Variants in CCSER1 observed in about 807,000 individuals in gnomAD.
CCSER1 encodes the protein serine-rich coiled-coil domain-containing protein 1.
In CCSER1, 41 loss-of-function variants were observed where a neutral mutation model predicts 82.0. The observed-to-expected ratio is 0.50, with a 90% CI of 0.39 to 0.65. The LOEUF is 0.65. Ranked by LOEUF, CCSER1 falls within the 30% of genes least tolerant of loss-of-function variation. CCSER1 has a pLI of 0.00. For synonymous variants in CCSER1, 414 were observed against 383.9 expected (o/e 1.08, Z -0.92); for missense variants, 1,119 against 1,064.2 (o/e 1.05, Z -0.72).
chr4:90,298,743 C>T (rs1186232749), intron 1 of CCSER1, among the ~76,000 whole-genome samples: 3 of 152,124 alleles, frequency 2.0e-5, no homozygotes, highest in African/African-American at 4.8e-5. Context: ...GCCTTCATTT[C>T]GTTATGTACC....
intron 7 of CCSER1, among the ~76,000 whole-genome samples, chr4:90,798,862 G>T (rs1031013071): frequency 3.3e-5 from 5 of 152,158 alleles, no homozygotes; most frequent in Non-Finnish European, 5.9e-5. Flanking sequence ...GCACTGAGGT[G>T]GGGGGAGGCA....
At chr4:91,043,541 C>T (rs1421054096) in intron 9 of CCSER1, among the ~76,000 whole-genome samples, 1 of 148,674 alleles carries the variant, frequency 6.7e-6, no homozygotes, top group African/African-American at 2.5e-5. Context: ...AAAAATTATT[C>T]ACCTGAAAAA....
intron 7 of CCSER1, among the ~76,000 whole-genome samples, chr4:90,810,435 G>T (rs1476853316): frequency 1.3e-5 from 2 of 152,102 alleles, no homozygotes; most frequent in African/African-American, 4.8e-5. Context: ...ATCACCTGAG[G>T]TCTGGAGTTT....
intron 5 of CCSER1, among the ~76,000 whole-genome samples, chr4:90,627,336 G>A (rs532168190): frequency 4.6e-4 from 70 of 151,920 alleles, no homozygotes; most frequent in African/African-American, 1.5e-3. Flanking sequence ...GGTGGCAAGC[G>A]CCAGAGCATC....
At position 90,175,851 on chromosome 4, in the gene CCSER1, G is replaced by A. The variant is rs566575436; in HGVS notation, c.-42+48020G>A. 1.6e-4 allele frequency among the ~76,000 whole-genome samples: 24 copies of A among 152,068 alleles called. No individual in the cohort carries two copies. In the South Asian group the frequency reaches 5.0e-3, roughly 32 times the overall value. On this transcript the variant is annotated intron_variant, in intron 1 of 10. Coordinates refer to ENST00000509176, the MANE Select transcript of CCSER1 (RefSeq NM_001145065.2). ...AAGTGCAGTAGCTACTCAAAAGAGT[G>A]TGAGAGAGAAATAGAGAATTAGGAA...
intron 10 of CCSER1, among the ~76,000 whole-genome samples, chr4:91,112,961 G>A (rs1483522158): frequency 3.9e-5 from 6 of 152,126 alleles, no homozygotes; most frequent in Non-Finnish European, 7.4e-5. Context: ...CAGCTAAGAC[G>A]TAATGAGGGA....
At chr4:91,397,848 C>T (rs1246406099) in intron 10 of CCSER1, among the ~76,000 whole-genome samples, 2 of 151,944 alleles carry the variant, frequency 1.3e-5, no homozygotes, top group Non-Finnish European at 2.9e-5. Context: ...AACAGAATAA[C>T]ATGAAATGAT....
rs569678224 is a variant in CCSER1 at position 90,733,900 on chromosome 4, A to G, written c.2010+9909A>G. 9.9e-5 allele frequency among the ~76,000 whole-genome samples: 15 copies of G among 152,110 alleles called. No individual in the cohort carries two copies. In the South Asian group the frequency reaches 2.7e-3, roughly 27 times the overall value. ...TGGTCTGTGTGTCTGTTTTTATGCT[A>G]GTACCCTGCTGTCTTGTGTACTATA... is the stretch of plus-strand genomic sequence containing the variant. On this transcript the variant is annotated intron_variant, in intron 7 of 10. Coordinates refer to ENST00000509176, the MANE Select transcript of CCSER1 (RefSeq NM_001145065.2).
intron 5 of CCSER1, among the ~76,000 whole-genome samples, chr4:90,550,604 A>T (rs146542797): frequency 1.6e-3 from 243 of 152,336 alleles, no homozygotes; most frequent in Non-Finnish European, 2.9e-3. Flanking sequence ...ACCCAAAAGG[A>T]TGAAGAATGT....
intron 5 of CCSER1, among the ~76,000 whole-genome samples, chr4:90,624,766 T>A (rs1469345886): frequency 6.6e-6 from 1 of 152,230 alleles, no homozygotes; most frequent in African/African-American, 2.4e-5. Flanking sequence ...AAAGTCTGTA[T>A]GTCTCAAACT....
At chr4:90,326,098 A>C (rs375908307) in intron 3 of CCSER1, among the ~76,000 whole-genome samples, 1 of 121,676 alleles carries the variant, frequency 8.2e-6, no homozygotes, top group East Asian at 2.3e-4. Flanking sequence ...TCACTCTTTC[A>C]CCCAGGCTGG....
chr4:90,730,954 G>A (rs1234806349), intron 7 of CCSER1, among the ~76,000 whole-genome samples: 2 of 152,078 alleles, frequency 1.3e-5, no homozygotes, highest in African/African-American at 4.8e-5. Flanking sequence ...ATGATGAAAA[G>A]CCATTAGAGT....
At chr4:90,220,457 A>C (rs1741929304) in intron 1 of CCSER1, among the ~76,000 whole-genome samples, 1 of 148,008 alleles carries the variant, frequency 6.8e-6, no homozygotes, top group Admixed American at 6.8e-5. Flanking sequence ...TTTCTTTTTG[A>C]TTTGCTTTTT....
chr4:90,931,137 C>T (rs772406530), intron 9 of CCSER1, among the ~76,000 whole-genome samples: 25 of 150,564 alleles, frequency 1.7e-4, no homozygotes, highest in Non-Finnish European at 3.1e-4. Flanking sequence ...TGTACATACA[C>T]ACCAAAACAT....
intron 10 of CCSER1, among the ~76,000 whole-genome samples, chr4:91,180,707 G>C (rs1733937113): frequency 6.6e-6 from 1 of 152,010 alleles, no homozygotes; most frequent in South Asian, 2.1e-4. Context: ...CAGTCAGGGA[G>C]ACCCTAACTC....
chr4:90,396,337 T>C (rs1751952913), intron 3 of CCSER1, among the ~76,000 whole-genome samples: 1 of 152,196 alleles, frequency 6.6e-6, no homozygotes, highest in South Asian at 2.1e-4. Flanking sequence ...ATGTGACCAT[T>C]GGTGCTAAAC....
At chr4:90,417,405 A>G (rs372702659) in intron 4 of CCSER1, among the ~76,000 whole-genome samples, 35 of 152,168 alleles carry the variant, frequency 2.3e-4, no homozygotes, top group East Asian at 1.5e-3. Context: ...TAATACTCAA[A>G]GAGAAATTAT....
chr4:90,367,104 T>C (rs1200096947), intron 3 of CCSER1, among the ~76,000 whole-genome samples: 7 of 151,620 alleles, frequency 4.6e-5, no homozygotes, highest in Non-Finnish European at 1.0e-4. Flanking sequence ...CAAAGAGAGA[T>C]ATAAAATGAA....
At chr4:90,265,806 A>G (rs1017070262) in intron 1 of CCSER1, among the ~76,000 whole-genome samples, 3 of 152,218 alleles carry the variant, frequency 2.0e-5, no homozygotes, top group Admixed American at 2.0e-4. Flanking sequence ...CATTTTCTTG[A>G]TTGAATAGAT....
Sources: allele counts gnomAD v4.1 joint callset (sites outside exome capture counted in the v4.1 genomes callset), GRCh38; gene constraint gnomAD v4.1.1; transcripts MANE v1.5; gene names NCBI Gene and HGNC (gene_info 2026-07-23, HGNC 2026-07-21).